ATXN1: variants seen among roughly 807,000 people sequenced by gnomAD.
The protein encoded by ATXN1 is ataxin 1.
Under a neutral mutation model 56.4 loss-of-function variants are expected in ATXN1, and 8 were observed. The ratio of observed to expected loss-of-function variants is 0.14; its 90% CI spans 0.08 to 0.26. ATXN1 has a LOEUF of 0.26. Among genes scored for constraint, ATXN1 ranks in the 10% least tolerant of loss-of-function variants. The pLI is 1.00. For missense variants in ATXN1, 987 were observed against 1,106.5 expected (o/e 0.89, Z 1.53); for synonymous variants, 514 against 494.6 (o/e 1.04, Z -0.52).
chr6:16,572,570 A>G (rs721009), intron 4 of ATXN1, among the ~76,000 whole-genome samples: 120,065 of 151,950 alleles, frequency 0.79, 47,711 homozygotes, highest in East Asian at 0.9. Context: ...ATTCTTGAGT[A>G]ATAAGTGGAA....
chr6:16,678,267 T>C (rs202113849), intron 2 of ATXN1, among the ~76,000 whole-genome samples: 8 of 152,188 alleles, frequency 5.3e-5, no homozygotes, highest in Admixed American at 3.9e-4. Context: ...CTATTTTAAT[T>C]CTTTTGATTT....
intron 2 of ATXN1, among the ~76,000 whole-genome samples, chr6:16,729,715 C>T (rs1251226464): frequency 6.6e-6 from 1 of 152,202 alleles, no homozygotes; most frequent in Non-Finnish European, 1.5e-5. Context: ...CACTATGATG[C>T]TTTGGGTGCC....
chr6:16,366,951 T>C (rs1761933789), intron 6 of ATXN1, among the ~76,000 whole-genome samples: 1 of 152,270 alleles, frequency 6.6e-6, no homozygotes, highest in Non-Finnish European at 1.5e-5. Context: ...GCAATTTCCT[T>C]TTATATTTCT....
At chr6:16,445,934 T>G (rs888625737) in intron 6 of ATXN1, among the ~76,000 whole-genome samples, 1 of 152,008 alleles carries the variant, frequency 6.6e-6, no homozygotes, top group South Asian at 2.1e-4. Flanking sequence ...TGTTGGACAT[T>G]TGGGTTGGTT....
At position 16,377,827 on chromosome 6, in the gene ATXN1, C is replaced by T. The variant is rs374363297; in HGVS notation, c.-160-49357G>A. On this transcript the variant is annotated intron_variant, in intron 6 of 7. Transcript: ENST00000436367. ...CTGAAAAATGCTTGTAAAACTATGG[C>T]GGCATAGCATAAGCACACGCAGTGT... is the stretch of plus-strand genomic sequence containing the variant. Among the ~76,000 whole-genome samples, 13 of 152,170 alleles carry T rather than the reference C, an allele frequency of 8.5e-5. No homozygotes were observed. The South Asian group carries it at 2.1e-3, about 24-fold the overall frequency.
chr6:16,583,342 T>C (rs548037798), intron 4 of ATXN1, among the ~76,000 whole-genome samples: 9 of 152,198 alleles, frequency 5.9e-5, no homozygotes, highest in Non-Finnish European at 1.0e-4. Flanking sequence ...GCCAAATGAT[T>C]CTTTGACCAC....
At chr6:16,340,168 C>T (rs1188401119) in intron 6 of ATXN1, among the ~76,000 whole-genome samples, 2 of 152,206 alleles carry the variant, frequency 1.3e-5, no homozygotes. Flanking sequence ...AATGTCCTGC[C>T]TCACAGAAGT....
intron 3 of ATXN1, among the ~76,000 whole-genome samples, chr6:16,590,937 G>A (rs985925166): frequency 2.6e-5 from 4 of 151,716 alleles, no homozygotes; most frequent in Non-Finnish European, 4.4e-5. Context: ...CCGCCTTCCA[G>A]GTTCAAGCAA....
At chr6:16,646,862 A>C (rs900193879) in intron 3 of ATXN1, among the ~76,000 whole-genome samples, 2 of 152,254 alleles carry the variant, frequency 1.3e-5, no homozygotes, top group African/African-American at 4.8e-5. Flanking sequence ...GTAGGAAGGC[A>C]TGAAGAATAA....
At chr6:16,355,376 A>G (rs973957866) in intron 6 of ATXN1, among the ~76,000 whole-genome samples, 2 of 152,156 alleles carry the variant, frequency 1.3e-5, no homozygotes, top group East Asian at 3.8e-4. Context: ...AAGAACACCT[A>G]CTTTTAGTGA....
At chr6:16,487,007 T>C (rs1431254687) in intron 5 of ATXN1, among the ~76,000 whole-genome samples, 1 of 152,210 alleles carries the variant, frequency 6.6e-6, no homozygotes, top group Non-Finnish European at 1.5e-5. Context: ...ATTCATATCC[T>C]GATCATTAAT....
chr6:16,688,533 T>C (rs1430009889), intron 2 of ATXN1, among the ~76,000 whole-genome samples: 4 of 152,210 alleles, frequency 2.6e-5, no homozygotes, highest in African/African-American at 9.6e-5. Context: ...CCAAATTCAG[T>C]AATGATGAAG....
chr6:16,633,509 T>G (rs1763541511), intron 3 of ATXN1, among the ~76,000 whole-genome samples: 1 of 152,174 alleles, frequency 6.6e-6, no homozygotes, highest in African/African-American at 2.4e-5. Flanking sequence ...TGCTTCCAGT[T>G]CTTGCCCAAG....
At chr6:16,661,864 A>C (rs913550599) in intron 2 of ATXN1, among the ~76,000 whole-genome samples, 4 of 152,196 alleles carry the variant, frequency 2.6e-5, no homozygotes, top group African/African-American at 9.6e-5. Flanking sequence ...ATGAAACGTC[A>C]GCCCAGGTTA....
intron 6 of ATXN1, among the ~76,000 whole-genome samples, chr6:16,461,284 C>T (rs180956685): frequency 8.5e-4 from 130 of 152,262 alleles, no homozygotes; most frequent in Non-Finnish European, 1.3e-3. Flanking sequence ...GGGTGGTTAA[C>T]GGCAGAAGAG....
rs528344220 is a variant in ATXN1 at position 16,669,261 on chromosome 6, T to C, written c.-614-11360A>G. On this transcript the variant is annotated intron_variant, in intron 2 of 7. Transcript: ENST00000436367. ...CTTATTCCTAATGACTGTGATAGAC[T>C]TTCTGCCTTGAATGGTGCATTTCCA... Among the ~76,000 whole-genome samples the C allele has an allele frequency of 2.6e-5, 4 of 152,352 alleles. No individual in the cohort carries two copies. In the East Asian group the frequency reaches 5.8e-4, roughly 22 times the overall value.
intron 3 of ATXN1, among the ~76,000 whole-genome samples, chr6:16,642,866 C>G (rs1763730542): frequency 6.6e-6 from 1 of 152,168 alleles, no homozygotes; most frequent in African/African-American, 2.4e-5. Flanking sequence ...AATTAATAGA[C>G]TATAGTATGG....
intron 6 of ATXN1, among the ~76,000 whole-genome samples, chr6:16,390,680 T>TACACACACA (rs60238072): frequency 0.019 from 2,725 of 147,252 alleles, 68 homozygotes; most frequent in African/African-American, 0.058. Context: ...AATAAACACA[T>TACACACACA]CACACACACA....
At chr6:16,320,747 C>T (rs972485901) in intron 7 of ATXN1, among the ~76,000 whole-genome samples, 6 of 152,258 alleles carry the variant, frequency 3.9e-5, no homozygotes, top group African/African-American at 1.4e-4. Context: ...AGCACCAATG[C>T]ACCCCTCAAA....
Sources: allele counts gnomAD v4.1 joint callset (sites outside exome capture counted in the v4.1 genomes callset), GRCh38; gene constraint gnomAD v4.1.1; transcripts MANE v1.5; gene names NCBI Gene and HGNC (gene_info 2026-07-23, HGNC 2026-07-21).